Variants in UVSSA observed in about 807,000 individuals in gnomAD.
The protein encoded by UVSSA is UV-stimulated scaffold protein A.
A neutral mutation model predicts 73.9 loss-of-function variants in UVSSA; 72 were observed. That is an observed-to-expected ratio of 0.97 (90% CI 0.81 to 1.19). UVSSA has a LOEUF of 1.19. UVSSA is among the 50% of genes most tolerant of loss of function. The pLI is 0.00. For synonymous variants in UVSSA, 454 were observed against 391.3 expected, an observed-to-expected ratio of 1.16 and a Z score of -1.89; for missense variants, 1,150 against 965.0, an observed-to-expected ratio of 1.19 and a Z score of -2.54.
intron 8 of UVSSA, among the ~76,000 whole-genome samples, chr4:1,367,014 C>T (rs1456266818): frequency 2.0e-5 from 3 of 152,228 alleles, no homozygotes; most frequent in Admixed American, 6.5e-5. Context: ...CCGCGCCTTC[C>T]AGGCTCCCAT....
intron 1 of UVSSA, 34 bp downstream of exon 1, chr4:1,347,794 G>T: frequency 3.0e-6 from 1 of 332,322 alleles, no homozygotes; most frequent in Non-Finnish European, 5.6e-6. Flanking sequence ...TCACGTTGGG[G>T]AAAAGCTGAT....
chr4:1,379,942 G>A lies in UVSSA; in HGVS notation c.1569-105G>A, dbSNP rs570252052. ...GGGTGCTGTCCACAGTGTTGGGGTGGCTGGGCTGCAGTGGTGTTTGGCCTT... is the reference window on the plus strand; with the variant it reads ...GGGTGCTGTCCACAGTGTTGGGGTGACTGGGCTGCAGTGGTGTTTGGCCTT... On this transcript the variant is annotated intron_variant, in intron 10 of 13. Transcript: ENST00000389851. 124 of 1,347,930 alleles carry A rather than the reference G, an allele frequency of 9.2e-5. 1 individual carries two copies. The East Asian group carries it at 2.4e-3, about 26-fold the overall frequency. 83.5% of individuals were successfully genotyped at this position (1,347,930 alleles called of 1,614,324 possible).
In UVSSA at chr4:1,354,848, G is replaced by A; in HGVS notation, c.1047+1G>A. 6.2e-7 allele frequency: 1 copy of A among 1,607,116 alleles called. No individual in the cohort carries two copies. The highest frequency in any genetic ancestry group is 8.5e-7 in the Non-Finnish European group (1 of 1,176,426). ...GCCGGCTGTGTGCTCGTGGATCCAG[G>A]TGAGCCTCGAACCTGGGACCTGTGG... On this transcript the variant is annotated splice_donor_variant, in intron 6 of 13. Transcript: ENST00000389851. LOFTEE classifies it high-confidence loss of function.
In UVSSA at chr4:1,387,033, A is replaced by G. The variant is rs2109326818; in HGVS notation, c.*1072A>G. 6.6e-6 allele frequency: 1 copy of G among 151,252 alleles called. No individual in the cohort carries two copies. Among genetic ancestry groups the G allele is most frequent in the South Asian group, 2.1e-4 (1 of 4,776 alleles). The allele number at this position is 151,252 out of a possible 1,614,324, so 9.4% of individuals were successfully genotyped here. A position where few individuals can be genotyped will look rare whatever the true frequency, so the allele number is the denominator to read the frequency against. On this transcript the variant is annotated 3_prime_UTR_variant, in exon 14 of 14. Transcript: ENST00000389851. ...CACTCCTGGCCAGGAGTTTATATGTATACTGTGGATACTAGATCCTCATGT... is the reference window on the plus strand; with the variant it reads ...CACTCCTGGCCAGGAGTTTATATGTGTACTGTGGATACTAGATCCTCATGT...
Position 1,386,550 on chromosome 4 carries a change from C to A in UVSSA, c.*589C>A, listed in dbSNP as rs1720130270. The A allele has an allele frequency of 6.5e-6, 1 of 153,240 alleles. No homozygotes were observed. Among genetic ancestry groups the A allele is most frequent in the East Asian group, 1.9e-4 (1 of 5,202 alleles). The allele number at this position is 153,240 out of a possible 1,614,324, so 9.5% of individuals were successfully genotyped here. A position where few individuals can be genotyped will look rare whatever the true frequency, so the allele number is the denominator to read the frequency against. On this transcript the variant is annotated 3_prime_UTR_variant, in exon 14 of 14. Transcript: ENST00000389851. The stretch of plus-strand genomic sequence containing the variant: ...TGTATAAAACAAAGGAGGTGAAAAC[C>A]TGTCCATGCGGAAGCTTGTGCACCC...
In UVSSA at chr4:1,375,392, A is replaced by G; in HGVS notation, c.1317A>G (p.Thr439=). ...YGLEAAPEKD[T]VVRCLRTRTR... ...TGGAGGCAGCACCAGAGAAAGACAC[A>G]GTTGTGCGGTGCTTGCGGACGAGGA... The change falls in exon 9 of 14, where the codon ACA becomes ACG. Residue 439 remains threonine (T), a synonymous_variant. Transcript: ENST00000389851. 1.2e-6 allele frequency: 2 copies of G among 1,613,626 alleles called. No homozygotes were observed. Among genetic ancestry groups the G allele is most frequent in the Non-Finnish European group, 1.7e-6 (2 of 1,180,012 alleles).
chr4:1,385,986 A>G lies in UVSSA; in HGVS notation c.*25A>G, dbSNP rs1480472939. 6.2e-7 allele frequency: 1 copy of G among 1,610,674 alleles called. No homozygotes were observed. The highest frequency in any genetic ancestry group is 8.5e-7 in the Non-Finnish European group (1 of 1,177,104). On this transcript the variant is annotated 3_prime_UTR_variant, in exon 14 of 14. Transcript: ENST00000389851. ...GAGAGCGGGGCCCAGTGCACTGGCC[A>G]TCAGCACTTTCTCCCTCTGCCAGTG...
At chr4:1,375,766 C>T (rs894710321) in intron 9 of UVSSA, among the ~76,000 whole-genome samples, 2 of 152,238 alleles carry the variant, frequency 1.3e-5, no homozygotes, top group South Asian at 4.1e-4. Flanking sequence ...GAGAGGAGCC[C>T]CCAGGGCTGG....
At chr4:1,354,903 T>TTTGGGGGG in intron 6 of UVSSA, 56 bp downstream of exon 6, 2 of 1,460,296 alleles carry the variant, frequency 1.4e-6, no homozygotes, top group Non-Finnish European at 9.3e-7. Flanking sequence ...GTGCCATGCA[T>TTTGGGGGG]GGGGGGGGTC....
intron 10 of UVSSA, among the ~76,000 whole-genome samples, chr4:1,377,273 C>G (rs1035491855): frequency 6.6e-6 from 1 of 152,172 alleles, no homozygotes; most frequent in Non-Finnish European, 1.5e-5. Flanking sequence ...GGCACATTGT[C>G]CACAGCTGCC....
intron 10 of UVSSA, among the ~76,000 whole-genome samples, chr4:1,376,622 C>T (rs1488028586): frequency 6.6e-6 from 1 of 152,208 alleles, no homozygotes; most frequent in African/African-American, 2.4e-5. Flanking sequence ...CCCTCCCTGC[C>T]CACTTTCCCC....
Position 1,387,746 on chromosome 4 carries a change from A to G in UVSSA, c.*1785A>G, listed in dbSNP as rs1339661994. ...TCGCACCATTATTGATAATCAGTTG[A>G]CCAAAAATGTACAGGCTTATTTCTG... is the stretch of plus-strand genomic sequence containing the variant. On this transcript the variant is annotated 3_prime_UTR_variant, in exon 14 of 14. Transcript: ENST00000389851. 1 of 152,192 alleles carries G rather than the reference A, an allele frequency of 6.6e-6. No individual in the cohort carries two copies. The highest frequency in any genetic ancestry group is 2.4e-5 in the African/African-American group (1 of 41,452). 9.4% of individuals were successfully genotyped at this position (152,192 alleles called of 1,614,324 possible).
Position 1,383,768 on chromosome 4 carries a change from T to C in UVSSA, c.1864T>C (p.Trp622Arg), listed in dbSNP as rs1366426295. The change falls in exon 13 of 14, where the codon TGG becomes CGG. Residue 622 changes from tryptophan to arginine, a missense_variant and splice_region_variant. Transcript: ENST00000389851. Reference sequence around the variant, plus strand: ...AAGTGCTTGAGTTTTGTTTGCAGAATGGCAGGACCCTGAGTTGATGAGAGA... The same window carrying C: ...AAGTGCTTGAGTTTTGTTTGCAGAACGGCAGGACCCTGAGTTGATGAGAGA... Reference protein sequence around the residue: ...RQLQKQERPEWQDPELMRDVE... With the variant: ...RQLQKQERPERQDPELMRDVE... 6.2e-7 allele frequency: 1 copy of C among 1,613,238 alleles called. No individual in the cohort carries two copies.
intron 10 of UVSSA, 44 bp from the exon 11 acceptor site, chr4:1,380,003 G>T (rs967148567): frequency 6.0e-5 from 93 of 1,550,798 alleles, no homozygotes; most frequent in Non-Finnish European, 7.9e-5. Context: ...ACGCTCTTCT[G>T]GGGTCCCTGC....
intron 3 of UVSSA, among the ~76,000 whole-genome samples, chr4:1,350,315 A>G (rs1042058216): frequency 1.3e-5 from 2 of 151,892 alleles, no homozygotes; most frequent in Admixed American, 6.6e-5. Flanking sequence ...TGTGGCCTGA[A>G]CCCAGCCTCA....
At chr4:1,352,727 G>A (rs923363062) in intron 4 of UVSSA, among the ~76,000 whole-genome samples, 7 of 152,236 alleles carry the variant, frequency 4.6e-5, no homozygotes, top group African/African-American at 1.4e-4. Flanking sequence ...CAGGGCAGGC[G>A]GATCGCCTGA....
At chr4:1,344,180 TTTTC>T (rs888171980), upstream of UVSSA, among the ~76,000 whole-genome samples, 2 of 152,184 alleles carry the variant, frequency 1.3e-5, no homozygotes, top group African/African-American at 4.8e-5. Context: ...CCTTGGGTGG[TTTTC>T]TTTGTTTATC....
At chr4:1,343,312 G>C (rs1401030677), upstream of UVSSA, among the ~76,000 whole-genome samples, 1 of 152,088 alleles carries the variant, frequency 6.6e-6, no homozygotes, top group Admixed American at 6.6e-5. Flanking sequence ...GAGGACATCA[G>C]TCCTATCAGA....
chr4:1,361,073 C>G (rs577245707), intron 7 of UVSSA, among the ~76,000 whole-genome samples: 1 of 152,352 alleles, frequency 6.6e-6, no homozygotes, highest in African/African-American at 2.4e-5. Context: ...CGCATCTGGT[C>G]GACAGATGTG....
Sources: gnomAD v4.1 joint callset for allele counts (sites outside exome capture counted in the v4.1 genomes callset) on GRCh38, gnomAD v4.1.1 for gene constraint, MANE v1.5 for transcripts, NCBI Gene and HGNC (gene_info 2026-07-23, HGNC 2026-07-21) for gene names.